Variants in TDRD12 observed in about 807,000 individuals in gnomAD.
TDRD12 encodes the protein tudor domain containing 12, also known as putative ATP-dependent RNA helicase TDRD12.
A neutral mutation model predicts 133.5 loss-of-function variants in TDRD12; 158 were observed. The observed-to-expected ratio is 1.18, with a 90% confidence interval of 1.04 to 1.35. The LOEUF is 1.35. Ranked by LOEUF, TDRD12 falls within the 40% of genes most tolerant of loss-of-function variation. TDRD12 has a pLI of 0.00. For missense variants in TDRD12, 1,443 were observed against 1,321.3 expected (o/e 1.09, Z -1.43); for synonymous variants, 460 against 477.9 (o/e 0.96, Z 0.49).
chr19:32,800,509 A>G (rs899031781), intron 17 of TDRD12, 135 bp from the exon 18 acceptor site: 27 of 949,100 alleles, frequency 2.8e-5, no homozygotes, highest in Non-Finnish European at 3.7e-5. Flanking sequence ...AATGAAATAC[A>G]ATTATAGTTG....
chr19:32,730,731 C>T (rs947348455), intron 1 of TDRD12, among the ~76,000 whole-genome samples: 9 of 151,814 alleles, frequency 5.9e-5, no homozygotes, highest in Admixed American at 3.3e-4. Flanking sequence ...ATCATGAGTT[C>T]TTGGCTGGGC....
intron 22 of TDRD12, among the ~76,000 whole-genome samples, chr19:32,808,014 A>G (rs1363140345): frequency 6.6e-6 from 1 of 152,174 alleles, no homozygotes; most frequent in African/African-American, 2.4e-5. Flanking sequence ...ACTTGAGGCC[A>G]GGAGTTCAAG....
At chr19:32,810,975 ATGT>A (rs1184023464) in intron 23 of TDRD12, among the ~76,000 whole-genome samples, 1 of 152,202 alleles carries the variant, frequency 6.6e-6, no homozygotes, top group African/African-American at 2.4e-5. Context: ...AATTTTTATT[ATGT>A]TGTTAGATAA....
At chr19:32,735,959 G>A (rs1185683224) in intron 2 of TDRD12, among the ~76,000 whole-genome samples, 2 of 152,126 alleles carry the variant, frequency 1.3e-5, no homozygotes, top group East Asian at 3.9e-4. Flanking sequence ...GACAGAGAGA[G>A]ACTCCATCTT....
In TDRD12 at chr19:32,794,092, C is replaced by CTT. The variant is rs751938374; in HGVS notation, c.1288-506_1288-505dup. ...TACAGACATGAGCCACTGTGCCTGG[C>CTT]TTTTTTTTTTTTTTTTTTTTTTTTT... On this transcript the variant is annotated intron_variant, in intron 13 of 27. Coordinates refer to ENST00000444215, the Ensembl canonical transcript of TDRD12. Among the ~76,000 whole-genome samples, 48 of 49,856 alleles carry CTT rather than the reference C, an allele frequency of 9.6e-4. 9 individuals carry two copies. Among genetic ancestry groups the CTT allele is most frequent in the African/African-American group, 2.0e-3 (22 of 11,024 alleles). The allele number at this position is 49,856 out of a possible 152,430, so 32.7% of individuals were successfully genotyped here.
chr19:32,822,919 C>T (rs1056110950), downstream of TDRD12, among the ~76,000 whole-genome samples: 6 of 152,134 alleles, frequency 3.9e-5, no homozygotes, highest in African/African-American at 1.2e-4. Context: ...GATCATTGCT[C>T]CTTGTCTTGA....
At position 32,810,209 on chromosome 19, in the gene TDRD12, T is replaced by C. The variant is rs1966953677; in HGVS notation, c.2769T>C (p.Asn923=). 3.9e-6 allele frequency: 6 copies of C among 1,535,842 alleles called. No individual in the cohort carries two copies. The Admixed American group carries it at 1.2e-4, about 30-fold the overall frequency. ...TGAATGAGTATTTTAAGGATTCTAA[T>C]AAAACAACTGTGGAAAAGGTGGAGA... Residue 923 remains asparagine (N), a synonymous_variant, in exon 23 of 28, where the codon AAT becomes AAC. Coordinates refer to ENST00000444215, the Ensembl canonical transcript of TDRD12.
chr19:32,739,274 C>A (rs12985444), intron 3 of TDRD12, among the ~76,000 whole-genome samples: 2 of 150,992 alleles, frequency 1.3e-5, no homozygotes, highest in Admixed American at 1.3e-4. Context: ...CATCTCCTGG[C>A]TGCTCTCTGC....
downstream of TDRD12, chr19:32,821,369 A>AATGT: frequency 2.9e-6 from 1 of 350,576 alleles, no homozygotes; most frequent in Non-Finnish European, 5.3e-6. Context: ...AGCTCAGCAG[A>AATGT]GTGTGTGTGT....
intron 11 of TDRD12, among the ~76,000 whole-genome samples, chr19:32,781,373 G>A (rs909396027): frequency 7.2e-5 from 11 of 152,130 alleles, no homozygotes; most frequent in Admixed American, 2.0e-4. Flanking sequence ...GATATGTCCC[G>A]TGTTCATTGT....
At position 32,798,436 on chromosome 19, in the gene TDRD12, G is replaced by T. The variant is rs953495883; in HGVS notation, c.1758+1G>T. The T allele has an allele frequency of 6.5e-7, 1 of 1,532,088 alleles. No homozygotes were observed. The highest frequency in any genetic ancestry group is 8.7e-7 in the Non-Finnish European group (1 of 1,143,516). The allele number at this position is 1,532,088 out of a possible 1,614,324, so 94.9% of individuals were successfully genotyped here. Reference sequence around the variant, plus strand: ...GCTATTCTTGGAAGCCAATGAACAGGTGAGCGTGGCTTAAGGTCCTCAGCA... The same window carrying T: ...GCTATTCTTGGAAGCCAATGAACAGTTGAGCGTGGCTTAAGGTCCTCAGCA... On this transcript the variant is annotated splice_donor_variant, in intron 16 of 27. Coordinates refer to ENST00000444215, the Ensembl canonical transcript of TDRD12. LOFTEE classifies it high-confidence loss of function.
At chr19:32,767,238 C>T (rs1251066843) in intron 8 of TDRD12, among the ~76,000 whole-genome samples, 2 of 151,848 alleles carry the variant, frequency 1.3e-5, no homozygotes, top group East Asian at 3.9e-4. Flanking sequence ...AAGCGATTCT[C>T]CTGCCTCAGC....
exon 3 of TDRD12, chr19:32,738,896 G>A: frequency 6.4e-7 from 1 of 1,551,446 alleles, no homozygotes; most frequent in Non-Finnish European, 8.7e-7. Flanking sequence ...TGCTGGTGCA[G>A]GGCCATTGTC....
chr19:32,803,175 T>C, intron 21 of TDRD12, 33 bp downstream of exon 21: 4 of 1,426,452 alleles, frequency 2.8e-6, no homozygotes, highest in Non-Finnish European at 3.7e-6. Flanking sequence ...ATTAAACTGA[T>C]GTATAACCTG....
exon 1 of TDRD12, chr19:32,720,092 T>C: frequency 1.3e-6 from 2 of 1,548,056 alleles, no homozygotes; most frequent in South Asian, 1.2e-5. Flanking sequence ...CTCCTGGTGC[T>C]GAAGGTGAGC....
chr19:32,801,950 C>A, intron 19 of TDRD12, 77 bp downstream of exon 19: 2 of 495,860 alleles, frequency 4.0e-6, no homozygotes, highest in Admixed American at 4.0e-5. Context: ...ATTTATATAT[C>A]TCATCTCCAG....
rs1460241556 is a variant in TDRD12 at position 32,810,216 on chromosome 19, A to G, written c.2776A>G (p.Thr926Ala). The G allele has an allele frequency of 2.6e-6, 4 of 1,535,656 alleles. No individual in the cohort carries two copies. The South Asian group carries it at 4.8e-5, about 18-fold the overall frequency. ...GTATTTTAAGGATTCTAATAAAACA[A>G]CTGTGGAAAAGGTGGAGAAGTTTGG... Residue 926 changes from threonine (T) to alanine (A), a missense_variant, in exon 23 of 28, where the codon ACT becomes GCT. Physicochemically the swap from Thr to Ala is moderately conservative, Grantham distance 58. Transcript: ENST00000444215.
intron 3 of TDRD12, among the ~76,000 whole-genome samples, chr19:32,740,704 G>A (rs980092068): frequency 1.3e-5 from 2 of 152,202 alleles, no homozygotes; most frequent in African/African-American, 4.8e-5. Context: ...AGGAGGTAGA[G>A]AGAAACGCCT....
intron 13 of TDRD12, among the ~76,000 whole-genome samples, chr19:32,792,361 G>C (rs928161706): frequency 2.0e-5 from 3 of 152,156 alleles, no homozygotes; most frequent in African/African-American, 7.2e-5. Context: ...AGAAGACATT[G>C]CATCTCTAAC....
Sources: gnomAD v4.1 joint callset for allele counts (sites outside exome capture counted in the v4.1 genomes callset) on GRCh38, gnomAD v4.1.1 for gene constraint, MANE v1.5 for transcripts, NCBI Gene and HGNC (gene_info 2026-07-23, HGNC 2026-07-21) for gene names.